The following FZR1 variants were observed in gnomAD, a reference collection of about 807,000 sequenced individuals.
FZR1 encodes fizzy-related protein homolog.
FZR1 carries 11 observed loss-of-function variants against 63.6 expected under a neutral mutation model. The observed-to-expected ratio is 0.17, with a 90% CI of 0.11 to 0.29. FZR1 has a LOEUF of 0.29. Ranked by LOEUF, FZR1 falls within the 10% of genes least tolerant of loss-of-function variation. FZR1 has a pLI of 1.00. For missense variants in FZR1, 440 were observed against 687.5 expected, an observed-to-expected ratio of 0.64 and a Z score of 4.03; for synonymous variants, 328 against 297.9, an observed-to-expected ratio of 1.10 and a Z score of -1.04.
chr19:3,520,441 A>G lies in FZR1; in HGVS notation c.-34-2515A>G, dbSNP rs140267414. On this transcript the variant is annotated intron_variant, in intron 1 of 13. Coordinates refer to ENST00000441788, the MANE Select transcript of FZR1 (RefSeq NM_016263.4). ...CCATGTAGAGAACCCTGGGCCTTCT[A>G]TGTGGTCGTGGGCATTGCTGCCCTG... Among the ~76,000 whole-genome samples the G allele has an allele frequency of 3.5e-3, 536 of 152,296 alleles. 3 individuals are homozygous for G. Among genetic ancestry groups the G allele is most frequent in the African/African-American group, 0.012 (518 of 41,568 alleles).
chr19:3,510,866 C>T (rs1245284346), intron 1 of FZR1, among the ~76,000 whole-genome samples: 1 of 152,238 alleles, frequency 6.6e-6, no homozygotes, highest in Non-Finnish European at 1.5e-5. Flanking sequence ...TGATGCTGCT[C>T]AGCGCCCCGC....
chr19:3,517,688 C>A (rs2083068570), intron 1 of FZR1, among the ~76,000 whole-genome samples: 1 of 151,722 alleles, frequency 6.6e-6, no homozygotes, highest in African/African-American at 2.4e-5. Flanking sequence ...GACTCTATCT[C>A]AGAAAAATAA....
chr19:3,524,942 T>C (rs1464578279), intron 2 of FZR1, among the ~76,000 whole-genome samples: 1 of 152,138 alleles, frequency 6.6e-6, no homozygotes, highest in Admixed American at 6.5e-5. Flanking sequence ...CAGAGTCCCA[T>C]TCCCAGGTTG....
intron 2 of FZR1, among the ~76,000 whole-genome samples, chr19:3,524,575 C>G (rs1220995634): frequency 6.6e-6 from 1 of 152,208 alleles, no homozygotes; most frequent in African/African-American, 2.4e-5. Context: ...TGACCCTACG[C>G]AAGCCTGTGT....
chr19:3,507,447 C>T (rs2082992880), intron 1 of FZR1, among the ~76,000 whole-genome samples: 1 of 151,930 alleles, frequency 6.6e-6, no homozygotes, highest in Non-Finnish European at 1.5e-5. Context: ...TGCAGATGTT[C>T]AGCCTAAATC....
chr19:3,508,824 C>A (rs2083004785), intron 1 of FZR1, among the ~76,000 whole-genome samples: 1 of 152,228 alleles, frequency 6.6e-6, no homozygotes, highest in South Asian at 2.1e-4. Context: ...TCAGTGCCCC[C>A]ACTGTGCCCA....
At chr19:3,529,635 T>G (rs1176940087) in intron 7 of FZR1, among the ~76,000 whole-genome samples, 1 of 145,204 alleles carries the variant, frequency 6.9e-6, no homozygotes, top group African/African-American at 2.6e-5. Flanking sequence ...GGAGAGCGGA[T>G]GGGTGAGCAG....
At chr19:3,510,758 G>C (rs1238322962) in intron 1 of FZR1, among the ~76,000 whole-genome samples, 2 of 152,162 alleles carry the variant, frequency 1.3e-5, no homozygotes, top group African/African-American at 4.8e-5. Context: ...TTCCCCACCT[G>C]GGTGACTCCG....
At chr19:3,528,522 T>TGC (rs2083186532) in intron 7 of FZR1, among the ~76,000 whole-genome samples, 1 of 151,934 alleles carries the variant, frequency 6.6e-6, no homozygotes, top group Non-Finnish European at 1.5e-5. Context: ...CTCCCCTGTG[T>TGC]GTGTGTGTCT....
rs1221360411 is a variant in FZR1 at position 3,534,896 on chromosome 19, A to C, written c.*60A>C. 30 of 1,343,516 alleles carry C rather than the reference A, an allele frequency of 2.2e-5. No homozygotes were observed. The highest frequency in any genetic ancestry group is 3.2e-5 in the Non-Finnish European group (30 of 938,152). The allele number at this position is 1,343,516 out of a possible 1,614,324, so 83.2% of individuals were successfully genotyped here. A position where few individuals can be genotyped will look rare whatever the true frequency, so the allele number is the denominator to read the frequency against. On this transcript the variant is annotated 3_prime_UTR_variant, in exon 14 of 14. Transcript: ENST00000441788. ...CAGAGTCGGAGGACCCCAGCTCCTC[A>C]GCTTGCATGGACTCTGCCTTCCCAG...
intron 1 of FZR1, among the ~76,000 whole-genome samples, chr19:3,522,048 G>A (rs374381500): frequency 1.1e-4 from 16 of 152,228 alleles, no homozygotes; most frequent in South Asian, 4.1e-4. Flanking sequence ...GCAGTGATCC[G>A]TGATTGTGCC....
intron 7 of FZR1, among the ~76,000 whole-genome samples, chr19:3,530,477 A>AGAGCGCATGGGT (rs1257005618): frequency 1.9e-5 from 2 of 104,860 alleles, no homozygotes; most frequent in South Asian, 6.6e-4. Flanking sequence ...AGCGCATGGG[A>AGAGCGCATGGGT]GAGCGCATGG....
rs1205741178 is a variant in FZR1, at chr19:3,520,768, T to C, written c.-34-2188T>C. 2.0e-5 allele frequency among the ~76,000 whole-genome samples: 3 copies of C among 152,248 alleles called. No individual in the cohort carries two copies. In the East Asian group the frequency reaches 5.8e-4, roughly 29 times the overall value. On this transcript the variant is annotated intron_variant, in intron 1 of 13. Transcript: ENST00000441788. ...CAGAGGCCACCTGGAGCTGTGGAGG[T>C]GGCAATCAGGCCAACCGCCTCAGTA...
Position 3,532,054 on chromosome 19 carries a change from A to G in FZR1, c.967A>G (p.Thr323Ala). Residue 323 changes from threonine to alanine, a missense_variant, in exon 10 of 14, where the codon ACA becomes GCA. Physicochemically the swap from Thr to Ala is moderately conservative, Grantham distance 58 (BLOSUM62 0). This residue lies in a region of FZR1 where 208 missense variants were observed against 363.6 expected (regional missense o/e 0.57). Coordinates refer to ENST00000441788, the MANE Select transcript of FZR1 (RefSeq NM_016263.4). ...GGAGGTGTGCGGGCTCAAGTGGTCC[A>G]CAGACCACCAGCTCCTCGCCTCGGG... Reference protein sequence around the residue: ...RQEVCGLKWSTDHQLLASGGN... With the variant: ...RQEVCGLKWSADHQLLASGGN... 6.5e-7 allele frequency: 1 copy of G among 1,531,006 alleles called. No homozygotes were observed. Among genetic ancestry groups the G allele is most frequent in the Non-Finnish European group, 8.7e-7 (1 of 1,143,026 alleles). The allele number at this position is 1,531,006 out of a possible 1,614,324, so 94.8% of individuals were successfully genotyped here.
intron 1 of FZR1, among the ~76,000 whole-genome samples, chr19:3,512,387 C>T (rs1849337337): frequency 6.6e-6 from 1 of 152,196 alleles, no homozygotes; most frequent in South Asian, 2.1e-4. Context: ...CCTAGGCAGG[C>T]AGTGTTGTCC....
intron 1 of FZR1, among the ~76,000 whole-genome samples, chr19:3,507,517 C>T (rs2082993524): frequency 6.6e-6 from 1 of 152,138 alleles, no homozygotes; most frequent in Non-Finnish European, 1.5e-5. Flanking sequence ...CAGGGCGTCT[C>T]TCTGGTTCCG....
Position 3,526,176 on chromosome 19 carries a change from C to A in FZR1, c.252C>A (p.Asn84Lys), listed in dbSNP as rs374041533. 1 of 1,612,734 alleles carries A rather than the reference C, an allele frequency of 6.2e-7. No individual in the cohort carries two copies. The highest frequency in any genetic ancestry group is 1.1e-5 in the South Asian group (1 of 91,084). The change falls in exon 4 of 14, where the codon AAC becomes AAA. Residue 84 changes from asparagine (N) to lysine (K), a missense_variant. By Grantham distance (94) the Asn-to-Lys change is moderately conservative. Transcript: ENST00000441788. This position sits in a 1 kb window ranked among gnomAD's most constrained non-coding sequence, Gnocchi z 5.4. ...AAGCCAAGGACGCCACCTCAGACAA[C>A]GGCAAAGGTTAGGGTCCCAGCCCAT... ...NRKAKDATSD[N>K]GKDGLAYSAL...
chr19:3,531,688 T>A, intron 8 of FZR1, 26 bp from the exon 9 acceptor site: 1 of 1,489,848 alleles, frequency 6.7e-7, no homozygotes, highest in Non-Finnish European at 9.1e-7. Flanking sequence ...CTGACACCGG[T>A]GCTCTGCCCA....
In FZR1 at chr19:3,532,103, C is replaced by A. The variant is rs549919830; in HGVS notation, c.1008+8C>A. 6.7e-7 allele frequency: 1 copy of A among 1,494,722 alleles called. No homozygotes were observed. The highest frequency in any genetic ancestry group is 1.2e-5 in the South Asian group (1 of 80,166). The allele number at this position is 1,494,722 out of a possible 1,614,324, so 92.6% of individuals were successfully genotyped here. ...GGGGGCAACGACAACAAGGTACCCC[C>A]GCCCAGAGCCTGGGCTTCCCCTTCA... On this transcript the variant is annotated splice_region_variant and intron_variant, in intron 10 of 13. Coordinates refer to ENST00000441788, the MANE Select transcript of FZR1 (RefSeq NM_016263.4).
Sources: allele counts gnomAD v4.1 joint callset (sites outside exome capture counted in the v4.1 genomes callset), GRCh38; gene constraint gnomAD v4.1.1; regional missense constraint gnomAD v4.1.1; non-coding constraint Gnocchi (gnomAD v3.1); transcripts MANE v1.5; gene names NCBI Gene and HGNC (gene_info 2026-07-23, HGNC 2026-07-21).